The following PHIP variants were observed in gnomAD, a reference collection of about 807,000 sequenced individuals.
The protein encoded by PHIP is PH-interacting protein.
In PHIP, 54 loss-of-function variants were observed where a neutral mutation model predicts 236.8. That is an observed-to-expected ratio of 0.23 (90% CI 0.18 to 0.29). The LOEUF (loss-of-function observed/expected upper bound fraction) is 0.29. Among genes scored for constraint, PHIP ranks in the 10% least tolerant of loss-of-function variants. The pLI is 1.00. For synonymous variants in PHIP, 756 were observed against 718.9 expected (o/e 1.05, Z -0.83); for missense variants, 1,370 against 2,190.8 (o/e 0.63, Z 7.48).
chr6:79,055,457 A>T (rs1231761765), intron 6 of PHIP, among the ~76,000 whole-genome samples: 3 of 152,188 alleles, frequency 2.0e-5, no homozygotes, highest in Admixed American at 2.0e-4. Flanking sequence ...TGGAGGTAAG[A>T]GAAAGGACAA....
chr6:79,063,136 C>T lies in PHIP; in HGVS notation c.190-2318G>A, dbSNP rs144148597. On this transcript the variant is annotated intron_variant, in intron 4 of 39. Transcript: ENST00000275034. ...CCCTGTTTTGGGGGTTCATAAGACT[C>T]ATGCACTATACTAAAATTGCCAGTT... 4.3e-3 allele frequency among the ~76,000 whole-genome samples: 651 copies of T among 152,316 alleles called. 3 individuals are homozygous for T. The highest frequency in any genetic ancestry group is 0.015 in the African/African-American group (635 of 41,568).
At chr6:79,007,898 G>C (rs1770371801) in intron 15 of PHIP, among the ~76,000 whole-genome samples, 1 of 151,802 alleles carries the variant, frequency 6.6e-6, no homozygotes, top group Admixed American at 6.6e-5. Context: ...CCAACCTAGG[G>C]AAAAATATGT....
intron 19 of PHIP, among the ~76,000 whole-genome samples, chr6:78,991,491 C>A (rs1387897772): frequency 6.6e-6 from 1 of 152,056 alleles, no homozygotes; most frequent in Non-Finnish European, 1.5e-5. Flanking sequence ...CTCAAACCAT[C>A]AAGGTGAAAC....
intron 7 of PHIP, among the ~76,000 whole-genome samples, chr6:79,032,669 G>A (rs1387565559): frequency 6.6e-6 from 1 of 151,788 alleles, no homozygotes; most frequent in Non-Finnish European, 1.5e-5. Context: ...CTGAAGTCTT[G>A]AACCCCTGAA....
intron 4 of PHIP, among the ~76,000 whole-genome samples, chr6:79,076,536 C>T (rs1484306276): frequency 6.6e-6 from 1 of 152,094 alleles, no homozygotes; most frequent in Non-Finnish European, 1.5e-5. Flanking sequence ...GTGATAAATC[C>T]ACTTCTGAAA....
At chr6:79,000,653 G>A (rs1193338605) in intron 17 of PHIP, among the ~76,000 whole-genome samples, 3 of 151,990 alleles carry the variant, frequency 2.0e-5, no homozygotes, top group South Asian at 4.2e-4. Context: ...ATTCCTCTCC[G>A]AGAGACTGAA....
intron 15 of PHIP, among the ~76,000 whole-genome samples, chr6:79,011,271 G>T (rs1197121792): frequency 1.3e-5 from 2 of 151,808 alleles, no homozygotes. Context: ...GTTATGTAAG[G>T]ACTGTTCAGT....
At chr6:78,948,100 T>C (rs1773928313) in intron 35 of PHIP, among the ~76,000 whole-genome samples, 1 of 152,096 alleles carries the variant, frequency 6.6e-6, no homozygotes, top group Non-Finnish European at 1.5e-5. Context: ...AACCGAAAGT[T>C]TGAAAGAAAA....
At chr6:79,012,584 C>T (rs1419759321) in intron 15 of PHIP, among the ~76,000 whole-genome samples, 3 of 151,648 alleles carry the variant, frequency 2.0e-5, no homozygotes, top group Non-Finnish European at 4.4e-5. Flanking sequence ...TACAACTTAA[C>T]ATTAGGGATT....
intron 4 of PHIP, among the ~76,000 whole-genome samples, chr6:79,073,853 T>C (rs1774017589): frequency 6.6e-6 from 1 of 152,204 alleles, no homozygotes; most frequent in African/African-American, 2.4e-5. Flanking sequence ...AAAGCATTTA[T>C]ATAATTTTGT....
chr6:79,034,720 C>T (rs1053792204), intron 7 of PHIP, among the ~76,000 whole-genome samples: 5 of 152,010 alleles, frequency 3.3e-5, no homozygotes, highest in Non-Finnish European at 7.4e-5. Context: ...TCAATTTAGG[C>T]CCAGATGTTG....
intron 7 of PHIP, among the ~76,000 whole-genome samples, chr6:79,032,757 C>T (rs1015525501): frequency 2.0e-5 from 3 of 151,322 alleles, no homozygotes; most frequent in African/African-American, 4.9e-5. Flanking sequence ...CCAAGAATCA[C>T]GAATGTTCTT....
At chr6:78,972,565 C>T (rs547356540) in intron 24 of PHIP, among the ~76,000 whole-genome samples, 21 of 152,090 alleles carry the variant, frequency 1.4e-4, no homozygotes, top group South Asian at 4.2e-4. Context: ...AGGCTTCAGA[C>T]GATCAAATTA....
rs191773400 is a variant in PHIP at position 79,006,523 on chromosome 6, T to G, written c.1525-2665A>C. Among the ~76,000 whole-genome samples the G allele has an allele frequency of 6.2e-4, 94 of 152,152 alleles. 1 individual carries two copies. The South Asian group carries it at 7.9e-3, about 13-fold the overall frequency. ...AAGGCACTATTTGAATATTCACATC[T>G]ACTAGAAAGCAGTAAGGTTTATCTT... is the stretch of plus-strand genomic sequence containing the variant. On this transcript the variant is annotated intron_variant, in intron 15 of 39. Coordinates refer to ENST00000275034, the MANE Select transcript of PHIP (RefSeq NM_017934.7).
At chr6:78,958,673 A>G in intron 31 of PHIP, 73 bp from the exon 32 acceptor site, 2 of 907,808 alleles carry the variant, frequency 2.2e-6, no homozygotes, top group Middle Eastern at 2.4e-4. Context: ...TAAAACCAAG[A>G]CATTCCAACT....
At chr6:79,025,471 C>A (rs894743518) in intron 9 of PHIP, 48 bp downstream of exon 9, 1 of 1,093,574 alleles carries the variant, frequency 9.1e-7, no homozygotes, top group African/African-American at 1.6e-5. Context: ...TGCAATTTCA[C>A]TCATTAAACT....
intron 24 of PHIP, among the ~76,000 whole-genome samples, chr6:78,973,661 C>A (rs564342226): frequency 1.4e-5 from 2 of 146,572 alleles, no homozygotes; most frequent in South Asian, 2.3e-4. Flanking sequence ...CACATAGGCT[C>A]AAAATAAAAG....
chr6:79,014,646 AAAGC>A (rs1770752215), intron 15 of PHIP, among the ~76,000 whole-genome samples: 1 of 151,878 alleles, frequency 6.6e-6, no homozygotes, highest in Admixed American at 6.6e-5. Context: ...CAATTGATTA[AAAGC>A]AAGAAATGCT....
At chr6:78,954,789 A>C (rs751504080) in intron 35 of PHIP, 25 bp downstream of exon 35, 4 of 1,526,310 alleles carry the variant, frequency 2.6e-6, no homozygotes, top group Admixed American at 2.1e-5. Context: ...TGACAGGTAA[A>C]GAAAATATTT....
Sources: allele counts gnomAD v4.1 joint callset (sites outside exome capture counted in the v4.1 genomes callset), GRCh38; gene constraint gnomAD v4.1.1; transcripts MANE v1.5; gene names NCBI Gene and HGNC (gene_info 2026-07-23, HGNC 2026-07-21).